ZNF221: variants seen among roughly 807,000 people sequenced by gnomAD.
The protein encoded by ZNF221 is zinc finger protein 221.
In ZNF221, 10 loss-of-function variants were observed where a neutral mutation model predicts 12.6. The observed-to-expected ratio is 0.79, with a 90% CI of 0.49 to 1.34. ZNF221 has a LOEUF of 1.34. Among genes scored for constraint, ZNF221 ranks in the 40% most tolerant of loss-of-function variants. The pLI is 0.00. For synonymous variants in ZNF221, 232 were observed against 244.0 expected (o/e 0.95, Z 0.46); for missense variants, 661 against 721.4 (o/e 0.92, Z 0.96).
chr19:43,975,710 A>G, the ZNF221 span, among the ~76,000 whole-genome samples: 3 of 152,188 alleles, frequency 2.0e-5, no homozygotes, highest in Non-Finnish European at 2.9e-5. Flanking sequence ...TTGAAGAAAA[A>G]ACTAAATCAT....
intron 1 of ZNF221, among the ~76,000 whole-genome samples, chr19:43,960,605 A>G (rs1952221816): frequency 1.3e-5 from 2 of 152,210 alleles, no homozygotes; most frequent in South Asian, 4.1e-4. Context: ...GAATGGTTCC[A>G]AGGGCCAGGC....
intron 2 of ZNF221, among the ~76,000 whole-genome samples, chr19:43,964,066 A>G (rs73567684): frequency 0.1 from 15,792 of 152,174 alleles, 1,903 homozygotes; most frequent in African/African-American, 0.29. Context: ...ATTGATAATA[A>G]AAAATATTTA....
At chr19:43,965,652 C>G (rs1974931106) in intron 4 of ZNF221, 152 bp from the exon 5 acceptor site, 2 of 702,088 alleles carry the variant, frequency 2.8e-6, no homozygotes, top group African/African-American at 1.8e-5. Flanking sequence ...AAATTGTTCT[C>G]TTGAAAACCA....
intron 1 of ZNF221, among the ~76,000 whole-genome samples, chr19:43,958,286 C>T (rs1049106927): frequency 1.3e-5 from 2 of 152,124 alleles, no homozygotes; most frequent in African/African-American, 4.8e-5. Context: ...GGTATCCATG[C>T]GAAAGGGGCC....
intron 4 of ZNF221, 39 bp downstream of exon 4, chr19:43,965,364 T>G: frequency 1.3e-6 from 2 of 1,544,350 alleles, no homozygotes; most frequent in Non-Finnish European, 1.8e-6. Context: ...TACATGACTC[T>G]TCCATCTGTT....
chr19:43,965,314 A>C lies in ZNF221; in HGVS notation c.290A>C (p.Glu97Ala), dbSNP rs756168543. ...AAGATGAAGACAACAAGCCAAAGAGAAGGGAATTCAGGTAAGAACCAAGTA... is the reference window on the plus strand; with the variant it reads ...AAGATGAAGACAACAAGCCAAAGAGCAGGGAATTCAGGTAAGAACCAAGTA... ...FWKMKTTSQREGNSGGKIQIE... is the reference protein window; with the variant it reads ...FWKMKTTSQRAGNSGGKIQIE... The change falls in exon 4 of 5, where the codon GAA becomes GCA. Residue 97 changes from glutamate (E) to alanine (A), a missense_variant. By Grantham distance (107) the Glu-to-Ala change is moderately radical. Transcript: ENST00000587682. 3.6e-5 allele frequency: 58 copies of C among 1,612,800 alleles called. No individual in the cohort carries two copies. Among genetic ancestry groups the C allele is most frequent in the Non-Finnish European group, 4.0e-5 (47 of 1,179,424 alleles).
At position 43,965,319 on chromosome 19, in the gene ZNF221, A is replaced by AACCC. The variant is rs1285991872; in HGVS notation, c.296_297insCCCA (p.Ser100ProfsTer9). ...GAAGACAACAAGCCAAAGAGAAGGG[A>AACCC]ATTCAGGTAAGAACCAAGTAACTGT... On this transcript the variant is annotated frameshift_variant, in exon 4 of 5. Coordinates refer to ENST00000587682, the MANE Select transcript of ZNF221 (RefSeq NM_001297588.2). LOFTEE classifies it low-confidence loss of function (END_TRUNC). 2 of 1,612,562 alleles carry AACCC rather than the reference A, an allele frequency of 1.2e-6. No homozygotes were observed. The highest frequency in any genetic ancestry group is 2.2e-5 in the South Asian group (2 of 90,992).
chr19:43,958,179 G>A (rs542341381), intron 1 of ZNF221, among the ~76,000 whole-genome samples: 11 of 152,310 alleles, frequency 7.2e-5, no homozygotes, highest in African/African-American at 2.6e-4. Flanking sequence ...CCATCTGGAT[G>A]TGTACATAAC....
chr19:43,981,052 T>C, the ZNF221 span, among the ~76,000 whole-genome samples: 35 of 152,060 alleles, frequency 2.3e-4, no homozygotes, highest in African/African-American at 8.2e-4. Context: ...AGACAAGCCT[T>C]GGCAACATAG....
chr19:43,966,129 C>T lies in ZNF221; in HGVS notation c.627C>T (p.Tyr209=), dbSNP rs778972424. The change falls in exon 5 of 5, where the codon TAC becomes TAT. Residue 209 remains tyrosine (Y), a synonymous_variant. Coordinates refer to ENST00000587682, the MANE Select transcript of ZNF221 (RefSeq NM_001297588.2). ...GTGAGTGTGGAAAAAGCTTCTGTTACAGCCCAGCCCTTCATATTCATCAGA... is the reference window on the plus strand; with the variant it reads ...GTGAGTGTGGAAAAAGCTTCTGTTATAGCCCAGCCCTTCATATTCATCAGA... The part of the protein sequence containing the change: ...TCGECGKSFC[Y]SPALHIHQRV... The T allele has an allele frequency of 1.2e-5, 19 of 1,614,218 alleles. No individual in the cohort carries two copies. Among genetic ancestry groups the T allele is most frequent in the East Asian group, 2.2e-5 (1 of 44,882 alleles).
Position 43,966,387 on chromosome 19 carries a change from A to G in ZNF221, c.885A>G (p.Ser295=), listed in dbSNP as rs1231134419. The G allele has an allele frequency of 1.2e-6, 2 of 1,614,118 alleles. No individual in the cohort carries two copies. Among genetic ancestry groups the G allele is most frequent in the East Asian group, 4.5e-5 (2 of 44,874 alleles). ...GTGGGAAAGCCTTCATTCATGATTC[A>G]CAGCTTCAAGAACATCAGAGAATCC... The part of the protein sequence containing the change: ...EECGKAFIHD[S]QLQEHQRIHT... The change falls in exon 5 of 5, where the codon TCA becomes TCG. Residue 295 remains serine (S), a synonymous_variant. Coordinates refer to ENST00000587682, the MANE Select transcript of ZNF221 (RefSeq NM_001297588.2).
downstream of ZNF221, among the ~76,000 whole-genome samples, chr19:43,968,996 C>G (rs530807337): frequency 6.6e-6 from 1 of 152,326 alleles, no homozygotes; most frequent in African/African-American, 2.4e-5. Context: ...TTTACATGCT[C>G]TAGCCCCAGA....
At chr19:43,975,021 C>CA in the ZNF221 span, among the ~76,000 whole-genome samples, 3,158 of 124,370 alleles carry the variant, frequency 0.025, 92 homozygotes, top group African/African-American at 0.081. Flanking sequence ...AACTGTGTCT[C>CA]AAAAAAAAAA....
At position 43,951,849 on chromosome 19, in the gene ZNF221, CTTTTTTTTTTTTTTTTTTTTTTTTTTT is replaced by C. The variant is rs758081943; in HGVS notation, c.-3+465_-3+491del. 4.8e-5 allele frequency among the ~76,000 whole-genome samples: 3 copies of C among 62,596 alleles called. No individual in the cohort carries two copies. In the South Asian group the frequency reaches 1.9e-3, roughly 39 times the overall value. The allele number at this position is 62,596 out of a possible 152,430, so 41.1% of individuals were successfully genotyped here. On this transcript the variant is annotated intron_variant, in intron 1 of 4. Transcript: ENST00000587682. ...GAAAATTCTGGACAGTCTTTGACCT[CTTTTTTTTTTTTTTTTTTTTTTTTTTT>C]TTTTTTTTTTTTTTTGAGACGGAGT...
chr19:43,964,348 AG>A (rs1974899862), intron 2 of ZNF221, among the ~76,000 whole-genome samples: 1 of 152,208 alleles, frequency 6.6e-6, no homozygotes, highest in South Asian at 2.1e-4. Flanking sequence ...ACATCTAGGA[AG>A]GGACAAAGCT....
chr19:43,958,115 T>C (rs989884891), intron 1 of ZNF221, among the ~76,000 whole-genome samples: 1 of 152,220 alleles, frequency 6.6e-6, no homozygotes, highest in African/African-American at 2.4e-5. Flanking sequence ...GTATAAACAA[T>C]TCCAATCAAA....
chr19:43,974,439 A>C, the ZNF221 span, among the ~76,000 whole-genome samples: 1 of 152,228 alleles, frequency 6.6e-6, no homozygotes, highest in Non-Finnish European at 1.5e-5. Context: ...AAAAGAAACT[A>C]TTATCAGGGT....
At chr19:43,964,196 T>G (rs926780515) in intron 2 of ZNF221, among the ~76,000 whole-genome samples, 4 of 152,158 alleles carry the variant, frequency 2.6e-5, no homozygotes, top group African/African-American at 9.7e-5. Context: ...TAGATAATAT[T>G]TATTAAATAC....
At chr19:43,968,063 C>G (rs1975015744), downstream of ZNF221, 1 of 152,344 alleles carries the variant, frequency 6.6e-6, no homozygotes, top group Non-Finnish European at 1.5e-5. Flanking sequence ...ATGGGAGAAG[C>G]ATTAAAAATT....
Sources: allele counts gnomAD v4.1 joint callset (sites outside exome capture counted in the v4.1 genomes callset), GRCh38; gene constraint gnomAD v4.1.1; transcripts MANE v1.5; gene names NCBI Gene and HGNC (gene_info 2026-07-23, HGNC 2026-07-21).